RORA: variants seen among roughly 807,000 people sequenced by gnomAD.
The protein encoded by RORA is nuclear receptor ROR-alpha.
In RORA, 7 loss-of-function variants were observed where a neutral mutation model predicts 69.5. The observed-to-expected ratio is 0.10, with a 90% CI of 0.06 to 0.19. RORA has a LOEUF of 0.19. RORA is among the 10% of genes least tolerant of loss of function. RORA has a pLI of 1.00. For missense variants in RORA, 457 were observed against 663.0 expected, an observed-to-expected ratio of 0.69 and a Z score of 3.41; for synonymous variants, 261 against 240.8, an observed-to-expected ratio of 1.08 and a Z score of -0.78.
In RORA at chr15:60,740,214, T is replaced by G. The variant is rs895748197; in HGVS notation, c.167-61528A>C. Among the ~76,000 whole-genome samples the G allele has an allele frequency of 3.9e-5, 6 of 152,082 alleles. No homozygotes were observed. The East Asian group carries it at 1.2e-3, about 29-fold the overall frequency. On this transcript the variant is annotated intron_variant, in intron 1 of 10. Transcript: ENST00000335670. ...GCTCAATGGTTTAATTATCAAAGGA[T>G]TCTATAAACCCCAACAACGTGTGGG... is the stretch of plus-strand genomic sequence containing the variant.
chr15:61,099,608 C>T lies in RORA; in HGVS notation c.166+129445G>A, dbSNP rs550441994. ...GTTACTTATTACTTCAAAACCAACA[C>T]ACGCAACGCATACCTCCTACCGAAA... is the stretch of plus-strand genomic sequence containing the variant. On this transcript the variant is annotated intron_variant, in intron 1 of 10. Transcript: ENST00000335670. 2.0e-5 allele frequency among the ~76,000 whole-genome samples: 3 copies of T among 152,222 alleles called. No homozygotes were observed. In the South Asian group the frequency reaches 6.2e-4, roughly 31 times the overall value.
chr15:60,678,817 C>G, intron 1 of RORA, 131 bp from the exon 2 acceptor site: 1 of 739,554 alleles, frequency 1.4e-6, no homozygotes, highest in Non-Finnish European at 2.4e-6. Flanking sequence ...CCAGTTTTAA[C>G]ATTGCACAGG....
intron 1 of RORA, among the ~76,000 whole-genome samples, chr15:61,050,898 G>C (rs766090225): frequency 3.9e-5 from 6 of 152,216 alleles, no homozygotes; most frequent in Non-Finnish European, 8.8e-5. Flanking sequence ...ATACCTAGTA[G>C]GTGGTGAACA....
intron 1 of RORA, among the ~76,000 whole-genome samples, chr15:61,196,341 T>G (rs987886757): frequency 4.6e-5 from 7 of 152,242 alleles, no homozygotes; most frequent in Admixed American, 3.9e-4. Flanking sequence ...TGTGACAACT[T>G]AGCAGCTCAG....
chr15:61,092,817 C>A (rs1326602672), intron 1 of RORA, among the ~76,000 whole-genome samples: 2 of 152,190 alleles, frequency 1.3e-5, no homozygotes, highest in Non-Finnish European at 2.9e-5. Context: ...TTGTTCCCCT[C>A]CAGTCAACAG....
At chr15:61,088,131 A>T (rs1162495039) in intron 1 of RORA, among the ~76,000 whole-genome samples, 1 of 152,206 alleles carries the variant, frequency 6.6e-6, no homozygotes, top group African/African-American at 2.4e-5. Context: ...CAAGGCACTC[A>T]CATGTTGGCC....
In RORA at chr15:61,137,594, C is replaced by T. The variant is rs989139289; in HGVS notation, c.166+91459G>A. 3.3e-5 allele frequency among the ~76,000 whole-genome samples: 5 copies of T among 152,282 alleles called. No individual in the cohort carries two copies. The East Asian group carries it at 5.8e-4, about 18-fold the overall frequency. ...ACAGAGCTGTGCCACTGTGCTGGGC[C>T]GTTCCTAACACAGATGTTCTCCAGA... On this transcript the variant is annotated intron_variant, in intron 1 of 10. Transcript: ENST00000335670.
At chr15:61,023,834 C>A (rs900687914) in intron 1 of RORA, among the ~76,000 whole-genome samples, 1 of 152,152 alleles carries the variant, frequency 6.6e-6, no homozygotes, top group African/African-American at 2.4e-5. Context: ...GGATGAGAGA[C>A]CTTATCACAC....
At chr15:60,756,304 A>G (rs1218664250) in intron 1 of RORA, among the ~76,000 whole-genome samples, 1 of 152,350 alleles carries the variant, frequency 6.6e-6, no homozygotes, top group Admixed American at 6.5e-5. Flanking sequence ...GTGGCAACTG[A>G]ATGACGAGGC....
At chr15:60,996,572 A>AATAC in intron 1 of RORA, among the ~76,000 whole-genome samples, 1 of 152,310 alleles carries the variant, frequency 6.6e-6, no homozygotes. Context: ...ATGCACAGGG[A>AATAC]ATACATACAT....
chr15:60,941,862 C>A (rs1892706715), intron 1 of RORA, among the ~76,000 whole-genome samples: 3 of 151,978 alleles, frequency 2.0e-5, no homozygotes, highest in African/African-American at 7.2e-5. Context: ...GACGTGCAAA[C>A]CGGAAACTGG....
At chr15:61,215,839 C>T (rs1318433232) in intron 1 of RORA, among the ~76,000 whole-genome samples, 2 of 152,162 alleles carry the variant, frequency 1.3e-5, no homozygotes, top group Admixed American at 1.3e-4. Flanking sequence ...ATCACTCACA[C>T]TACCACAATA....
chr15:61,009,727 A>C (rs1314895656), intron 1 of RORA, among the ~76,000 whole-genome samples: 1 of 152,216 alleles, frequency 6.6e-6, no homozygotes, highest in Non-Finnish European at 1.5e-5. Context: ...TCAAAGCTCT[A>C]TCCTGAGGTA....
intron 3 of RORA, among the ~76,000 whole-genome samples, chr15:60,515,943 ATATATTTATATATT>A (rs1279118310): frequency 2.2e-3 from 28 of 12,752 alleles, no homozygotes; most frequent in South Asian, 4.1e-3. Flanking sequence ...ATATATTTAT[ATATATTTATATATT>A]TATATTTATA....
At chr15:60,622,902 GA>G (rs1410849098) in intron 2 of RORA, among the ~76,000 whole-genome samples, 3 of 151,960 alleles carry the variant, frequency 2.0e-5, no homozygotes, top group Non-Finnish European at 4.4e-5. Context: ...TTTTAGTAGA[GA>G]TGGGGTTTCA....
chr15:61,186,535 G>C (rs1222829449), intron 1 of RORA, among the ~76,000 whole-genome samples: 2 of 149,448 alleles, frequency 1.3e-5, no homozygotes, highest in Non-Finnish European at 3.0e-5. Flanking sequence ...CAGCTACTCA[G>C]GATGTTGAGG....
chr15:60,723,752 T>C (rs572679100), intron 1 of RORA, among the ~76,000 whole-genome samples: 1 of 152,272 alleles, frequency 6.6e-6, no homozygotes, highest in Admixed American at 6.5e-5. Context: ...TCAAGAAGTA[T>C]TTATTGAGTG....
chr15:61,059,055 T>C, intron 1 of RORA, among the ~76,000 whole-genome samples: 1 of 152,234 alleles, frequency 6.6e-6, no homozygotes, highest in East Asian at 1.9e-4. Context: ...CTGCCGTTCC[T>C]CTAATAGTGC....
chr15:60,880,038 G>T (rs1278451977), intron 1 of RORA, among the ~76,000 whole-genome samples: 1 of 152,128 alleles, frequency 6.6e-6, no homozygotes, highest in Non-Finnish European at 1.5e-5. Context: ...TCACCCATGG[G>T]TCCTAGAATA....
Sources: allele counts gnomAD v4.1 joint callset (sites outside exome capture counted in the v4.1 genomes callset), GRCh38; gene constraint gnomAD v4.1.1; transcripts MANE v1.5; gene names NCBI Gene and HGNC (gene_info 2026-07-23, HGNC 2026-07-21).